Variants in TMPRSS4 observed in about 807,000 individuals in gnomAD.
The protein encoded by TMPRSS4 is transmembrane protease serine 4.
Under a neutral mutation model 56.4 loss-of-function variants are expected in TMPRSS4, and 45 were observed. The observed-to-expected ratio is 0.80, with a 90% CI of 0.63 to 1.02. TMPRSS4 has a LOEUF of 1.02. Among genes scored for constraint, TMPRSS4 ranks in the 50% least tolerant of loss-of-function variants. TMPRSS4 has a pLI of 0.00. For synonymous variants in TMPRSS4, 205 were observed against 211.0 expected, an observed-to-expected ratio of 0.97 and a Z score of 0.25; for missense variants, 546 against 556.7, an observed-to-expected ratio of 0.98 and a Z score of 0.19.
intron 1 of TMPRSS4, among the ~76,000 whole-genome samples, chr11:118,086,460 G>T (rs978592492): frequency 3.3e-5 from 5 of 152,266 alleles, no homozygotes; most frequent in Non-Finnish European, 7.3e-5. Context: ...AAAGGAAAAA[G>T]TGCTGCTCTA....
At position 118,118,253 on chromosome 11, in the gene TMPRSS4, A is replaced by T; in HGVS notation, c.*340A>T. 8.1e-7 allele frequency: 1 copy of T among 1,231,238 alleles called. No homozygotes were observed. Among genetic ancestry groups the T allele is most frequent in the Non-Finnish European group, 1.0e-6 (1 of 982,320 alleles). 76.3% of individuals were successfully genotyped at this position (1,231,238 alleles called of 1,614,324 possible). A position where few individuals can be genotyped will look rare whatever the true frequency, so the allele number is the denominator to read the frequency against. On this transcript the variant is annotated 3_prime_UTR_variant, in exon 13 of 13. Coordinates refer to ENST00000437212, the MANE Select transcript of TMPRSS4 (RefSeq NM_019894.4). Reference sequence around the variant, plus strand: ...GAAGCAGGCTGTCTTGTAAAAGCCCAGATCACTGTGGGCTGGAGAGGAGAA... The same window carrying T: ...GAAGCAGGCTGTCTTGTAAAAGCCCTGATCACTGTGGGCTGGAGAGGAGAA...
rs192729491 is a variant in TMPRSS4, at chr11:118,090,889, C to A, written c.4-3927C>A. Among the ~76,000 whole-genome samples, 141 of 152,170 alleles carry A rather than the reference C, an allele frequency of 9.3e-4. 1 individual carries two copies. The highest frequency in any genetic ancestry group is 3.3e-3 in the African/African-American group (138 of 41,492). On this transcript the variant is annotated intron_variant, in intron 1 of 12. Transcript: ENST00000437212. ...CAGTTCAGTGATGAGGAATCCAAGG[C>A]CCCAGAAAGTGCAGAATATAAGCCT...
chr11:118,089,952 C>T (rs974317997), intron 1 of TMPRSS4, among the ~76,000 whole-genome samples: 1 of 152,210 alleles, frequency 6.6e-6, no homozygotes, highest in African/African-American at 2.4e-5. Flanking sequence ...TCAAGGGATT[C>T]TCCTGCCTCA....
chr11:118,115,362 C>T, intron 11 of TMPRSS4, 82 bp downstream of exon 11: 1 of 1,511,690 alleles, frequency 6.6e-7, no homozygotes, highest in South Asian at 1.3e-5. Flanking sequence ...GGCTGCATGC[C>T]CTACAGGAAG....
intron 9 of TMPRSS4, among the ~76,000 whole-genome samples, chr11:118,113,804 G>A (rs2135454122): frequency 6.6e-6 from 1 of 152,358 alleles, no homozygotes; most frequent in Admixed American, 6.5e-5. Context: ...CTGCCAAGGA[G>A]TCATTGTGCC....
At position 118,112,851 on chromosome 11, in the gene TMPRSS4, T is replaced by C. The variant is rs1179559756; in HGVS notation, c.744-418T>C. Among the ~76,000 whole-genome samples, 9 of 146,906 alleles carry C rather than the reference T, an allele frequency of 6.1e-5. No homozygotes were observed. In the East Asian group the frequency reaches 1.6e-3, roughly 27 times the overall value. On this transcript the variant is annotated intron_variant, in intron 8 of 12. Transcript: ENST00000437212. ...TTTTTTTTTTTTTTTTTTGAGATTCTGGTGAGAGCTATAAATTCTTTCCTG... is the reference window on the plus strand; with the variant it reads ...TTTTTTTTTTTTTTTTTTGAGATTCCGGTGAGAGCTATAAATTCTTTCCTG...
intron 4 of TMPRSS4, 124 bp downstream of exon 4, chr11:118,103,377 T>TTTG (rs1946826804): frequency 3.4e-6 from 3 of 883,182 alleles, no homozygotes; most frequent in African/African-American, 4.5e-5. Context: ...TATAAGGTTC[T>TTTG]TTGTTTGTTT....
chr11:118,088,342 C>T (rs1021171834), intron 1 of TMPRSS4: 5 of 152,182 alleles, frequency 3.3e-5, no homozygotes, highest in Non-Finnish European at 5.9e-5. Flanking sequence ...TAATACTCAA[C>T]TGCAATAACT....
chr11:118,108,653 G>A, intron 6 of TMPRSS4: 1 of 602,522 alleles, frequency 1.7e-6, no homozygotes, highest in African/African-American at 1.9e-5. Context: ...CAGCAGTGGG[G>A]GTGTTGAATC....
At chr11:118,125,344 T>G (rs1420735296), downstream of TMPRSS4, 1 of 456,716 alleles carries the variant, frequency 2.2e-6, no homozygotes, top group South Asian at 1.5e-5. Context: ...GGTCTTGTGA[T>G]TCAGCAACCA....
At chr11:118,091,421 G>A (rs899521417) in intron 1 of TMPRSS4, among the ~76,000 whole-genome samples, 9 of 151,970 alleles carry the variant, frequency 5.9e-5, no homozygotes, top group Non-Finnish European at 1.2e-4. Flanking sequence ...GCATCCAGGC[G>A]CTGTCTCCTC....
intron 1 of TMPRSS4, 139 bp downstream of exon 1, chr11:118,077,444 C>T (rs1050548687): frequency 4.0e-6 from 4 of 1,007,166 alleles, no homozygotes; most frequent in Admixed American, 2.9e-5. Context: ...CACCCAAATC[C>T]CCTCACACCC....
chr11:118,117,255 C>T (rs201796668), intron 11 of TMPRSS4, 50 bp from the exon 12 acceptor site: 3 of 1,602,462 alleles, frequency 1.9e-6, no homozygotes, highest in African/African-American at 2.7e-5. Context: ...AGGAGAAGCC[C>T]CCCCACCTCA....
At chr11:118,102,761 A>G (rs912036784) in intron 3 of TMPRSS4, among the ~76,000 whole-genome samples, 3 of 152,174 alleles carry the variant, frequency 2.0e-5, no homozygotes, top group African/African-American at 7.2e-5. Flanking sequence ...TAGGACTCAG[A>G]ACTGGGTCTT....
At chr11:118,083,362 T>C (rs887737709) in intron 1 of TMPRSS4, among the ~76,000 whole-genome samples, 2 of 152,162 alleles carry the variant, frequency 1.3e-5, no homozygotes, top group Admixed American at 1.3e-4. Context: ...CCGAGAGAGT[T>C]CACACAGGTC....
At chr11:118,112,389 T>A (rs1406717275) in intron 8 of TMPRSS4, among the ~76,000 whole-genome samples, 1 of 120,266 alleles carries the variant, frequency 8.3e-6, no homozygotes, top group Admixed American at 8.0e-5. Context: ...CTTTTTTTTT[T>A]TTTTTTTTTT....
chr11:118,120,600 A>T lies in TMPRSS4; in HGVS notation c.*2687A>T, dbSNP rs911792878. The T allele has an allele frequency of 6.6e-6, 1 of 152,224 alleles. No individual in the cohort carries two copies. Among genetic ancestry groups the T allele is most frequent in the African/African-American group, 2.4e-5 (1 of 41,456 alleles). The allele number at this position is 152,224 out of a possible 1,614,324, so 9.4% of individuals were successfully genotyped here. A position where few individuals can be genotyped will look rare whatever the true frequency, so the allele number is the denominator to read the frequency against. On this transcript the variant is annotated 3_prime_UTR_variant, in exon 13 of 13. Transcript: ENST00000437212. ...ATTATAAAAATAAAAAACTAAGTGGATGGGGTAAATAACAATTAAAACACC... is the reference window on the plus strand; with the variant it reads ...ATTATAAAAATAAAAAACTAAGTGGTTGGGGTAAATAACAATTAAAACACC...
chr11:118,117,913 A>G lies in TMPRSS4; in HGVS notation c.1314A>G (p.Ter438=), dbSNP rs1947647103. 1.2e-6 allele frequency: 2 copies of G among 1,613,316 alleles called. No homozygotes were observed. The highest frequency in any genetic ancestry group is 1.3e-5 in the African/African-American group (1 of 74,922). Residue 438 remains the stop codon, a stop_retained_variant, in exon 13 of 13, where the codon TAA becomes TAG. Transcript: ENST00000437212. The stretch of plus-strand genomic sequence containing the variant: ...CTCTCTTATTCTAGGCTGAGCTGTA[A>G]TGCTGCTGCCCCTTTGCAGTGCTGG... ...WIYNVWKAEL[*] is the part of the protein sequence containing the mutation.
chr11:118,090,716 T>G (rs1044625701), intron 1 of TMPRSS4, among the ~76,000 whole-genome samples: 1 of 151,818 alleles, frequency 6.6e-6, no homozygotes, highest in Non-Finnish European at 1.5e-5. Context: ...AGGTGGAGGC[T>G]GCAGTGAGCT....
Sources: allele counts gnomAD v4.1 joint callset (sites outside exome capture counted in the v4.1 genomes callset), GRCh38; gene constraint gnomAD v4.1.1; transcripts MANE v1.5; gene names NCBI Gene and HGNC (gene_info 2026-07-23, HGNC 2026-07-21).